Variants in FKTN observed in about 807,000 individuals in gnomAD.
FKTN encodes fukutin, also known as ribitol-5-phosphate transferase FKTN.
Under a neutral mutation model 58.6 loss-of-function variants are expected in FKTN, and 47 were observed. That is an observed-to-expected ratio of 0.80 (90% CI 0.63 to 1.02). FKTN has a LOEUF of 1.02. Ranked by LOEUF, FKTN falls within the 50% of genes least tolerant of loss-of-function variation. The pLI, the probability that FKTN is intolerant of heterozygous loss-of-function variation, is 0.00. For synonymous variants in FKTN, 178 were observed against 191.9 expected, an observed-to-expected ratio of 0.93 and a Z score of 0.60; for missense variants, 516 against 537.3, an observed-to-expected ratio of 0.96 and a Z score of 0.39.
At chr9:105,566,028 A>G (rs1431790158) in intron 1 of FKTN, among the ~76,000 whole-genome samples, 1 of 152,246 alleles carries the variant, frequency 6.6e-6, no homozygotes, top group East Asian at 1.9e-4. Flanking sequence ...TGGAAACTGA[A>G]CAACCTGCTC....
In FKTN at chr9:105,605,621, G is replaced by A. The variant is rs544801944; in HGVS notation, c.647+1129G>A. Among the ~76,000 whole-genome samples the A allele has an allele frequency of 4.6e-5, 7 of 152,218 alleles. No individual in the cohort carries two copies. The South Asian group carries it at 1.5e-3, about 32-fold the overall frequency. On this transcript the variant is annotated intron_variant, in intron 6 of 10. Coordinates refer to ENST00000357998, the MANE Select transcript of FKTN (RefSeq NM_001079802.2). ...ATAGAACTGGAGATCATTATATTAA[G>A]TGAAATAAGCCAGGCACAGAAAGAC...
At chr9:105,574,232 A>C (rs1841288577) in intron 2 of FKTN, 1 of 152,086 alleles carries the variant, frequency 6.6e-6, no homozygotes, top group Non-Finnish European at 1.5e-5. Flanking sequence ...CTTAGATATC[A>C]AGCATAAGAG....
intron 1 of FKTN, among the ~76,000 whole-genome samples, chr9:105,567,618 A>G (rs1839908822): frequency 6.6e-6 from 1 of 152,216 alleles, no homozygotes; most frequent in African/African-American, 2.4e-5. Context: ...AGAAGTACAA[A>G]CCACTGCTCA....
chr9:105,613,738 A>G (rs1339634845), intron 7 of FKTN, among the ~76,000 whole-genome samples: 2 of 152,276 alleles, frequency 1.3e-5, no homozygotes, highest in African/African-American at 4.8e-5. Context: ...AAAAGTATTT[A>G]CAAGTGGTAA....
intron 3 of FKTN, among the ~76,000 whole-genome samples, chr9:105,579,034 C>T (rs11535511): frequency 0.11 from 16,216 of 150,972 alleles, 1,148 homozygotes; most frequent in Admixed American, 0.2. Context: ...TTTTTTATTG[C>T]GTCTATTTCA....
Position 105,639,662 on chromosome 9 carries a change from G to A in FKTN, c.*4398G>A. On this transcript the variant is annotated 3_prime_UTR_variant, in exon 11 of 11. Coordinates refer to ENST00000357998, the MANE Select transcript of FKTN (RefSeq NM_001079802.2). ...CTTAAGAAAAAAAAAATTGTATCAAGTCATTAATACAATTATACATTAATT... is the reference window on the plus strand; with the variant it reads ...CTTAAGAAAAAAAAAATTGTATCAAATCATTAATACAATTATACATTAATT... 1.1e-6 allele frequency: 1 copy of A among 911,280 alleles called. No homozygotes were observed. The highest frequency in any genetic ancestry group is 1.3e-6 in the Non-Finnish European group (1 of 762,538). The allele number at this position is 911,280 out of a possible 1,614,324, so 56.4% of individuals were successfully genotyped here.
At chr9:105,584,850 T>C (rs995156135) in intron 3 of FKTN, among the ~76,000 whole-genome samples, 4 of 151,988 alleles carry the variant, frequency 2.6e-5, no homozygotes, top group East Asian at 1.9e-4. Flanking sequence ...ATGGAAATTA[T>C]ATTAAACCGT....
At chr9:105,624,587 C>T (rs892465017) in intron 10 of FKTN, among the ~76,000 whole-genome samples, 3 of 146,218 alleles carry the variant, frequency 2.1e-5, no homozygotes, top group Non-Finnish European at 4.5e-5. Context: ...GCCACATTTG[C>T]ACCACTGTAC....
intron 1 of FKTN, among the ~76,000 whole-genome samples, chr9:105,568,246 T>C (rs1840061762): frequency 6.6e-6 from 1 of 152,084 alleles, no homozygotes; most frequent in South Asian, 2.1e-4. Context: ...GGACTTCATG[T>C]CTGAAACACC....
intron 1 of FKTN, among the ~76,000 whole-genome samples, chr9:105,573,390 A>G (rs183453290): frequency 5.0e-4 from 76 of 152,248 alleles, no homozygotes; most frequent in Non-Finnish European, 3.7e-4. Flanking sequence ...TTGGGAGGCT[A>G]AGGCAGGAGG....
At position 105,640,554 on chromosome 9, in the gene FKTN, GA is replaced by G. The variant is rs879263714; in HGVS notation, c.*5303del. Reference sequence around the variant, plus strand: ...GGCGATAGAGCAAGACTCTGTCTCAGAAAAAAAAAAAAAGGAAAGAAAGAAA... The same window carrying G: ...GGCGATAGAGCAAGACTCTGTCTCAGAAAAAAAAAAAAGGAAAGAAAGAAA... On this transcript the variant is annotated 3_prime_UTR_variant, in exon 11 of 11. Coordinates refer to ENST00000357998, the MANE Select transcript of FKTN (RefSeq NM_001079802.2). The G allele has an allele frequency of 1.2e-3, 164 of 131,434 alleles. No individual in the cohort carries two copies. The highest frequency in any genetic ancestry group is 1.5e-3 in the Admixed American group (20 of 12,944). The allele number at this position is 131,434 out of a possible 1,614,324, so 8.1% of individuals were successfully genotyped here.
intron 3 of FKTN, among the ~76,000 whole-genome samples, chr9:105,578,320 T>G (rs1314697492): frequency 6.7e-6 from 1 of 148,260 alleles, no homozygotes; most frequent in Non-Finnish European, 1.5e-5. Flanking sequence ...CATAGATAGC[T>G]CTTATCATTT....
At chr9:105,581,404 A>G (rs1489941714) in intron 3 of FKTN, among the ~76,000 whole-genome samples, 1 of 148,436 alleles carries the variant, frequency 6.7e-6, no homozygotes, top group Non-Finnish European at 1.5e-5. Context: ...CCTCAGCTGC[A>G]GGTCTGTTGG....
chr9:105,572,814 A>G (rs1410018690), intron 1 of FKTN, among the ~76,000 whole-genome samples: 1 of 152,216 alleles, frequency 6.6e-6, no homozygotes, highest in East Asian at 1.9e-4. Context: ...CCTTTCTCAC[A>G]TATACACATG....
At chr9:105,634,269 C>T (rs909138298) in intron 10 of FKTN, among the ~76,000 whole-genome samples, 4 of 151,716 alleles carry the variant, frequency 2.6e-5, no homozygotes, top group East Asian at 1.9e-4. Context: ...GTAGCTGGGA[C>T]GACAGGAGTG....
chr9:105,587,961 G>A (rs1416324259), intron 3 of FKTN, among the ~76,000 whole-genome samples: 1 of 152,132 alleles, frequency 6.6e-6, no homozygotes, highest in East Asian at 1.9e-4. Context: ...AATTGGCAAT[G>A]GTCAGTGTTT....
intron 10 of FKTN, 130 bp from the exon 11 acceptor site, chr9:105,634,921 A>C: frequency 1.3e-6 from 1 of 794,634 alleles, no homozygotes; most frequent in East Asian, 2.5e-5. Flanking sequence ...AAAATAATTA[A>C]ATATCCACTC....
At chr9:105,590,826 A>C (rs1276665593) in intron 3 of FKTN, among the ~76,000 whole-genome samples, 1 of 152,208 alleles carries the variant, frequency 6.6e-6, no homozygotes, top group Admixed American at 6.5e-5. Flanking sequence ...TAATTGGCTC[A>C]TGGTTCTGCA....
chr9:105,606,726 CAT>C, intron 6 of FKTN, among the ~76,000 whole-genome samples: 1 of 149,324 alleles, frequency 6.7e-6, no homozygotes, highest in Non-Finnish European at 1.5e-5. Flanking sequence ...TATCTGGAAT[CAT>C]GTGAGATTGC....
Sources: allele counts gnomAD v4.1 joint callset (sites outside exome capture counted in the v4.1 genomes callset), GRCh38; gene constraint gnomAD v4.1.1; transcripts MANE v1.5; gene names NCBI Gene and HGNC (gene_info 2026-07-23, HGNC 2026-07-21).